The following COBL variants were observed in gnomAD, a reference collection of about 807,000 sequenced individuals.
COBL encodes the protein protein cordon-bleu.
COBL carries 51 observed loss-of-function variants against 98.8 expected under a neutral mutation model. That is an observed-to-expected ratio of 0.52 (90% CI 0.41 to 0.65). COBL has a LOEUF of 0.65. Among genes scored for constraint, COBL ranks in the 30% least tolerant of loss-of-function variants. COBL has a pLI of 0.00. For synonymous variants in COBL, 634 were observed against 651.7 expected (o/e 0.97, Z 0.41); for missense variants, 1,617 against 1,617.5 (o/e 1.00, Z 0.01).
Position 51,043,640 on chromosome 7 carries a change from C to T in COBL, c.1149G>A (p.Gln383=). The T allele has an allele frequency of 5.6e-6, 9 of 1,614,200 alleles. No individual in the cohort carries two copies. Among genetic ancestry groups the T allele is most frequent in the Non-Finnish European group, 7.6e-6 (9 of 1,180,038 alleles). Reference sequence around the variant, plus strand: ...CGGTCTCCTCCGCCTCTGACAGCACCTGCGGGGCTCCATCCGGGCTGCAGT... The same window carrying T: ...CGGTCTCCTCCGCCTCTGACAGCACTTGCGGGGCTCCATCCGGGCTGCAGT... ...GSHCSPDGAP[Q]VLSEAEETVS... Residue 383 remains glutamine (Q), a synonymous_variant, in exon 8 of 13, where the codon CAG becomes CAA. Transcript: ENST00000265136.
At chr7:51,056,181 G>A (rs995105942) in intron 7 of COBL, among the ~76,000 whole-genome samples, 1 of 138,066 alleles carries the variant, frequency 7.2e-6, no homozygotes, top group African/African-American at 2.7e-5. Flanking sequence ...TGTAAACTAC[G>A]TCAAAAACAA....
At chr7:51,307,417 G>C (rs1463822274) in intron 1 of COBL, among the ~76,000 whole-genome samples, 1 of 152,004 alleles carries the variant, frequency 6.6e-6, no homozygotes, top group African/African-American at 2.4e-5. Context: ...CAACATCAGA[G>C]GGCCCTGATG....
At chr7:51,017,642 G>A (rs1364610781) in intron 12 of COBL, 74 bp from the exon 13 acceptor site, 18 of 1,496,116 alleles carry the variant, frequency 1.2e-5, no homozygotes, top group Non-Finnish European at 1.7e-5. Context: ...GTGCTAGAGA[G>A]CTCTGTGCAC....
chr7:51,214,225 C>A (rs1367859054), intron 2 of COBL, among the ~76,000 whole-genome samples: 1 of 151,468 alleles, frequency 6.6e-6, no homozygotes, highest in African/African-American at 2.4e-5. Flanking sequence ...GAGATTGTGC[C>A]GCCACTGCAC....
intron 6 of COBL, among the ~76,000 whole-genome samples, chr7:51,123,454 A>C (rs551045699): frequency 6.6e-6 from 1 of 152,228 alleles, no homozygotes; most frequent in Non-Finnish European, 1.5e-5. Context: ...TTTTTTTGAC[A>C]AGAGGCCATG....
intron 1 of COBL, among the ~76,000 whole-genome samples, chr7:51,251,473 C>T (rs1796721114): frequency 6.6e-6 from 1 of 152,170 alleles, no homozygotes; most frequent in Admixed American, 6.5e-5. Context: ...CTCAAATGAC[C>T]TCTGCCGAAT....
rs935741828 is a variant in COBL, at chr7:51,260,024, C to T, written c.42-40080G>A. The T allele has an allele frequency of 5.6e-5, 44 of 789,034 alleles. No individual in the cohort carries two copies. In the African/African-American group the frequency reaches 7.2e-4, roughly 13 times the overall value. The allele number at this position is 789,034 out of a possible 1,614,324, so 48.9% of individuals were successfully genotyped here. A position where few individuals can be genotyped will look rare whatever the true frequency, so the allele number is the denominator to read the frequency against. ...TATAGGAATGATTCCAGTCGTTTAA[C>T]TTGAGCCCTTTTCCTTTCCTCTGCT... is the stretch of plus-strand genomic sequence containing the variant. On this transcript the variant is annotated intron_variant, in intron 1 of 12. Coordinates refer to ENST00000265136, the MANE Select transcript of COBL (RefSeq NM_015198.5).
At chr7:51,163,636 C>T (rs1360444421) in intron 5 of COBL, among the ~76,000 whole-genome samples, 4 of 152,148 alleles carry the variant, frequency 2.6e-5, no homozygotes, top group African/African-American at 9.7e-5. Flanking sequence ...CAGAAAACAC[C>T]TCATATCAAT....
intron 3 of COBL, among the ~76,000 whole-genome samples, chr7:51,191,279 C>A (rs918542291): frequency 6.6e-6 from 1 of 152,144 alleles, no homozygotes; most frequent in East Asian, 1.9e-4. Context: ...GGTTTAGAAT[C>A]TCTTGCTAGT....
intron 5 of COBL, among the ~76,000 whole-genome samples, chr7:51,143,758 G>T (rs565881109): frequency 1.3e-5 from 2 of 152,322 alleles, no homozygotes; most frequent in African/African-American, 4.8e-5. Flanking sequence ...ATGAGTGGAG[G>T]AAAAAAGCTG....
intron 1 of COBL, among the ~76,000 whole-genome samples, chr7:51,281,044 T>C (rs998489653): frequency 6.6e-6 from 1 of 152,190 alleles, no homozygotes; most frequent in Non-Finnish European, 1.5e-5. Flanking sequence ...ATACAGGTTA[T>C]AAAAATGCTC....
chr7:51,123,933 G>C (rs1381781512), intron 6 of COBL, among the ~76,000 whole-genome samples: 1 of 152,138 alleles, frequency 6.6e-6, no homozygotes, highest in Non-Finnish European at 1.5e-5. Flanking sequence ...CAGCATCAAT[G>C]CATGATGGCT....
intron 1 of COBL, among the ~76,000 whole-genome samples, chr7:51,226,584 G>A (rs1185458387): frequency 3.8e-5 from 5 of 130,220 alleles, no homozygotes; most frequent in African/African-American, 1.4e-4. Context: ...GTGAGTGAGT[G>A]AGGGAGTGAG....
chr7:51,276,398 A>G (rs1390606643), intron 1 of COBL, among the ~76,000 whole-genome samples: 5 of 152,108 alleles, frequency 3.3e-5, no homozygotes, highest in African/African-American at 1.2e-4. Flanking sequence ...GAAAGGAGTC[A>G]CCCTGTGGAA....
intron 1 of COBL, chr7:51,259,602 T>C (rs929217723): frequency 4.0e-6 from 3 of 746,512 alleles, no homozygotes; most frequent in South Asian, 1.4e-5. Flanking sequence ...GGCAATTTCA[T>C]GAATGAGGTC....
rs1432004676 is a variant in COBL, at chr7:51,017,583, G to T, written c.3769-15C>A. Reference sequence around the variant, plus strand: ...AGCAAGGGCACCTGCAGGGAAGAGAGATTCACAGTTATTTGGTATGTCAAT... The same window carrying T: ...AGCAAGGGCACCTGCAGGGAAGAGATATTCACAGTTATTTGGTATGTCAAT... On this transcript the variant is annotated splice_polypyrimidine_tract_variant and intron_variant, in intron 12 of 12. Transcript: ENST00000265136. 1.3e-5 allele frequency: 21 copies of T among 1,613,736 alleles called. No homozygotes were observed. Among genetic ancestry groups the T allele is most frequent in the Non-Finnish European group, 1.7e-5 (20 of 1,179,766 alleles).
At chr7:51,055,970 C>A (rs1790710718) in intron 7 of COBL, among the ~76,000 whole-genome samples, 3 of 152,186 alleles carry the variant, frequency 2.0e-5, no homozygotes, top group Admixed American at 6.5e-5. Flanking sequence ...TTAGCAGATT[C>A]CATTTCCCAT....
chr7:51,214,699 T>C (rs1362753332), intron 2 of COBL, among the ~76,000 whole-genome samples: 1 of 152,256 alleles, frequency 6.6e-6, no homozygotes, highest in Non-Finnish European at 1.5e-5. Flanking sequence ...CTTAAAATCA[T>C]CTGTTAGTGT....
At chr7:51,194,712 A>G (rs553106883) in intron 2 of COBL, among the ~76,000 whole-genome samples, 14 of 152,152 alleles carry the variant, frequency 9.2e-5, no homozygotes, top group African/African-American at 3.4e-4. Flanking sequence ...TCTAATGATC[A>G]CTGATGTTGA....
Sources: gnomAD v4.1 joint callset for allele counts (sites outside exome capture counted in the v4.1 genomes callset) on GRCh38, gnomAD v4.1.1 for gene constraint, MANE v1.5 for transcripts, NCBI Gene and HGNC (gene_info 2026-07-23, HGNC 2026-07-21) for gene names.